The following SMYD3 variants were observed in gnomAD, a reference collection of about 807,000 sequenced individuals.
SMYD3 encodes the protein histone-lysine N-methyltransferase SMYD3.
In SMYD3, 36 loss-of-function variants were observed where a neutral mutation model predicts 57.7. The observed-to-expected ratio is 0.62, with a 90% confidence interval of 0.48 to 0.82. The LOEUF (loss-of-function observed/expected upper bound fraction) is 0.82. Ranked by LOEUF, SMYD3 falls within the 40% of genes least tolerant of loss-of-function variation. The pLI is 0.00. For missense variants in SMYD3, 515 were observed against 538.8 expected, an observed-to-expected ratio of 0.96 and a Z score of 0.44; for synonymous variants, 211 against 195.0, an observed-to-expected ratio of 1.08 and a Z score of -0.68.
chr1:246,125,749 G>C (rs765751587), intron 5 of SMYD3, among the ~76,000 whole-genome samples: 1 of 152,068 alleles, frequency 6.6e-6, no homozygotes, highest in East Asian at 1.9e-4. Flanking sequence ...GATCAGAAGT[G>C]GTGAGAGGGA....
intron 10 of SMYD3, among the ~76,000 whole-genome samples, chr1:245,804,194 A>G (rs2048023029): frequency 6.6e-6 from 1 of 152,094 alleles, no homozygotes; most frequent in East Asian, 1.9e-4. Context: ...TACAGGCGTG[A>G]GGCACCGCGC....
Position 245,858,435 on chromosome 1 carries a change from G to A in SMYD3, c.1076+61C>T, listed in dbSNP as rs577707128. On this transcript the variant is annotated intron_variant, in intron 10 of 11. Transcript: ENST00000490107. ...GTAATCAGAATGACTTCACAACATGGATCCTTTGCCCAACGTGAAGACGTC... is the reference window on the plus strand; with the variant it reads ...GTAATCAGAATGACTTCACAACATGAATCCTTTGCCCAACGTGAAGACGTC... 9.3e-6 allele frequency: 14 copies of A among 1,500,390 alleles called. 1 individual carries two copies. The South Asian group carries it at 1.9e-4, about 20-fold the overall frequency. 92.9% of individuals were successfully genotyped at this position (1,500,390 alleles called of 1,614,324 possible).
At chr1:246,399,024 CTTATT>C (rs955567900) in intron 1 of SMYD3, among the ~76,000 whole-genome samples, 9 of 151,930 alleles carry the variant, frequency 5.9e-5, no homozygotes, top group Non-Finnish European at 1.0e-4. Context: ...TTTATTTTAT[CTTATT>C]TATTTGTTTT....
chr1:245,955,890 T>C lies in SMYD3; in HGVS notation c.532-25953A>G, dbSNP rs1572784963. ...ATTTGTTTTGGGTTTTTTTTTTTTT[T>C]GGCTCAACATTATATCCTAAGATTC... On this transcript the variant is annotated intron_variant, in intron 5 of 11. Transcript: ENST00000490107. 6.4e-6 allele frequency: 6 copies of C among 935,434 alleles called. No homozygotes were observed. The South Asian group carries it at 2.5e-4, about 39-fold the overall frequency. The allele number at this position is 935,434 out of a possible 1,614,324, so 57.9% of individuals were successfully genotyped here.
chr1:245,993,252 T>C lies in SMYD3; in HGVS notation c.532-63315A>G, dbSNP rs1482261583. 5.3e-5 allele frequency among the ~76,000 whole-genome samples: 8 copies of C among 152,254 alleles called. No homozygotes were observed. In the South Asian group the frequency reaches 1.5e-3, roughly 28 times the overall value. On this transcript the variant is annotated intron_variant, in intron 5 of 11. Coordinates refer to ENST00000490107, the MANE Select transcript of SMYD3 (RefSeq NM_001167740.2). ...AGAAGACTGAAGCAAAGAGAGTTCA[T>C]CCATTTGCCAAAGCCTCACCATTAG...
chr1:245,837,505 C>G (rs1438463273), intron 10 of SMYD3, among the ~76,000 whole-genome samples: 3 of 152,052 alleles, frequency 2.0e-5, no homozygotes. Flanking sequence ...CTCTGTCCTG[C>G]AGTCGTGGGA....
intron 5 of SMYD3, among the ~76,000 whole-genome samples, chr1:246,041,815 TG>T (rs1378614183): frequency 1.3e-5 from 2 of 149,224 alleles, no homozygotes; most frequent in African/African-American, 2.5e-5. Context: ...TAATCTTTAT[TG>T]GGAAAAAAAA....
At chr1:246,454,289 T>C (rs751572126) in intron 1 of SMYD3, among the ~76,000 whole-genome samples, 1 of 152,186 alleles carries the variant, frequency 6.6e-6, no homozygotes, top group African/African-American at 2.4e-5. Flanking sequence ...CCATTACTTA[T>C]GGAGTTGCTA....
chr1:246,245,461 A>G (rs2063687395), intron 5 of SMYD3, among the ~76,000 whole-genome samples: 1 of 152,124 alleles, frequency 6.6e-6, no homozygotes, highest in African/African-American at 2.4e-5. Context: ...AACAAACAAA[A>G]AACAGAAATA....
intron 5 of SMYD3, among the ~76,000 whole-genome samples, chr1:246,054,265 C>G (rs1207945000): frequency 6.6e-6 from 1 of 152,286 alleles, no homozygotes; most frequent in South Asian, 2.1e-4. Flanking sequence ...AAGACTGACA[C>G]TACCAGGTCT....
rs12141665 is a variant in SMYD3, at chr1:246,268,579, C to T, written c.531+58622G>A. Among the ~76,000 whole-genome samples the T allele has an allele frequency of 4.6e-3, 698 of 152,158 alleles. 1 individual carries two copies. The highest frequency in any genetic ancestry group is 6.7e-3 in the Admixed American group (103 of 15,288). Reference sequence around the variant, plus strand: ...ATTAGCCGGGCATGGTGGCACACACCTGTAGTCCCAGCTACCCGGGAGGCT... The same window carrying T: ...ATTAGCCGGGCATGGTGGCACACACTTGTAGTCCCAGCTACCCGGGAGGCT... On this transcript the variant is annotated intron_variant, in intron 5 of 11. Coordinates refer to ENST00000490107, the MANE Select transcript of SMYD3 (RefSeq NM_001167740.2).
At chr1:246,304,181 C>T (rs1006625440) in intron 5 of SMYD3, among the ~76,000 whole-genome samples, 16 of 152,112 alleles carry the variant, frequency 1.1e-4, no homozygotes, top group South Asian at 2.1e-4. Context: ...AATAAAGATA[C>T]TATATTTCAG....
At chr1:245,860,951 C>T (rs555852665) in intron 9 of SMYD3, among the ~76,000 whole-genome samples, 3 of 152,282 alleles carry the variant, frequency 2.0e-5, no homozygotes, top group Admixed American at 6.5e-5. Context: ...ATGTATGTTC[C>T]CACTTATTCT....
intron 7 of SMYD3, among the ~76,000 whole-genome samples, chr1:245,923,359 T>G (rs1037626959): frequency 6.6e-6 from 1 of 151,922 alleles, no homozygotes; most frequent in Non-Finnish European, 1.5e-5. Flanking sequence ...CATGTCCCGC[T>G]GCTCGTCCTT....
chr1:246,182,068 C>T (rs2148289534), intron 5 of SMYD3, among the ~76,000 whole-genome samples: 1 of 152,268 alleles, frequency 6.6e-6, no homozygotes, highest in Admixed American at 6.5e-5. Context: ...ATTGAGTTAA[C>T]AGTCTTAAAT....
intron 5 of SMYD3, among the ~76,000 whole-genome samples, chr1:246,083,576 A>C (rs1283863854): frequency 1.3e-5 from 2 of 151,982 alleles, no homozygotes; most frequent in Non-Finnish European, 1.5e-5. Context: ...TCTTTTCTCA[A>C]GTCTCTCGTT....
chr1:246,293,365 C>T (rs537571137), intron 5 of SMYD3, among the ~76,000 whole-genome samples: 1 of 152,298 alleles, frequency 6.6e-6, no homozygotes, highest in East Asian at 1.9e-4. Flanking sequence ...TTTTAGAAGG[C>T]TACTTTACCA....
At position 246,277,820 on chromosome 1, in the gene SMYD3, A is replaced by G. The variant is rs994618135; in HGVS notation, c.531+49381T>C. 2.6e-5 allele frequency among the ~76,000 whole-genome samples: 4 copies of G among 152,338 alleles called. No individual in the cohort carries two copies. The South Asian group carries it at 8.3e-4, about 32-fold the overall frequency. The stretch of plus-strand genomic sequence containing the variant: ...TTCTTCAAAATTCAAAACAGACAAA[A>G]GTCATCTATAGATACAAAGCAGATC... On this transcript the variant is annotated intron_variant, in intron 5 of 11. Coordinates refer to ENST00000490107, the MANE Select transcript of SMYD3 (RefSeq NM_001167740.2).
At chr1:246,266,367 C>T (rs12043226) in intron 5 of SMYD3, among the ~76,000 whole-genome samples, 31,041 of 151,866 alleles carry the variant, frequency 0.2, 3,950 homozygotes, top group East Asian at 0.58. Context: ...ATTAACAGTT[C>T]CTTCCTCTGT....
Sources: allele counts gnomAD v4.1 joint callset (sites outside exome capture counted in the v4.1 genomes callset), GRCh38; gene constraint gnomAD v4.1.1; transcripts MANE v1.5; gene names NCBI Gene and HGNC (gene_info 2026-07-23, HGNC 2026-07-21).